Variants in GAS7 observed in about 807,000 individuals in gnomAD.
The protein encoded by GAS7 is growth arrest-specific protein 7.
GAS7 carries 28 observed loss-of-function variants against 71.1 expected under a neutral mutation model. The ratio of observed to expected loss-of-function variants is 0.39; its 90% CI spans 0.29 to 0.54. The LOEUF (loss-of-function observed/expected upper bound fraction) is 0.54, where lower values mean the gene tolerates loss of function less well. GAS7 is among the 20% of genes least tolerant of loss of function. GAS7 has a pLI of 0.62. For missense variants in GAS7, 436 were observed against 627.8 expected, an observed-to-expected ratio of 0.69 and a Z score of 3.27; for synonymous variants, 258 against 245.8, an observed-to-expected ratio of 1.05 and a Z score of -0.46.
rs773255798 is a variant in GAS7, at chr17:9,916,932, G to A, written c.*296C>T. On this transcript the variant is annotated 3_prime_UTR_variant, in exon 14 of 14. Coordinates refer to ENST00000432992, the MANE Select transcript of GAS7 (RefSeq NM_201433.2). ...TGTGACAGTGACCCCTACAAAACTC[G>A]GCAAGGACCACAAAGTTCCAGCCTC... The A allele has an allele frequency of 1.4e-5, 7 of 507,980 alleles. No individual in the cohort carries two copies. The highest frequency in any genetic ancestry group is 8.7e-5 in the East Asian group (3 of 34,608). 31.5% of individuals were successfully genotyped at this position (507,980 alleles called of 1,614,324 possible).
At position 10,026,784 on chromosome 17, in the gene GAS7, C is replaced by T. The variant is rs1410095936; in HGVS notation, c.184-6887G>A. ...CTACACAGAGCTGGGAACAGCTACCCGAGAAGGATACTCTCCTCCAGCTCT... is the reference window on the plus strand; with the variant it reads ...CTACACAGAGCTGGGAACAGCTACCTGAGAAGGATACTCTCCTCCAGCTCT... On this transcript the variant is annotated intron_variant, in intron 1 of 13. Transcript: ENST00000432992. The surrounding 1 kb of genome is among the most constrained non-coding windows in gnomAD (Gnocchi z 4.5). 6.6e-6 allele frequency among the ~76,000 whole-genome samples: 1 copy of T among 152,178 alleles called. No homozygotes were observed. The highest frequency in any genetic ancestry group is 1.5e-5 in the Non-Finnish European group (1 of 68,024).
intron 1 of GAS7, among the ~76,000 whole-genome samples, chr17:10,104,031 A>G (rs929625903): frequency 2.0e-5 from 3 of 152,142 alleles, no homozygotes; most frequent in Non-Finnish European, 2.9e-5. Flanking sequence ...TAAATTTAAA[A>G]AATTAAAGAT....
intron 1 of GAS7, among the ~76,000 whole-genome samples, chr17:10,025,392 G>A (rs1361314034): frequency 2.0e-5 from 3 of 151,816 alleles, no homozygotes; most frequent in Non-Finnish European, 4.4e-5. Context: ...CCTTCCCAAG[G>A]AGGATGACAA....
At chr17:9,991,577 GC>G (rs1316142476) in intron 2 of GAS7, among the ~76,000 whole-genome samples, 1 of 152,154 alleles carries the variant, frequency 6.6e-6, no homozygotes, top group Non-Finnish European at 1.5e-5. Context: ...TCCAGGAATA[GC>G]CAAGGAATTC....
intron 1 of GAS7, among the ~76,000 whole-genome samples, chr17:10,169,309 A>T (rs930650461): frequency 2.0e-5 from 3 of 152,140 alleles, no homozygotes; most frequent in East Asian, 3.9e-4. Context: ...TCACATTTAC[A>T]CTCAGCACAA....
chr17:10,015,653 C>T (rs896292749), intron 2 of GAS7, among the ~76,000 whole-genome samples: 4 of 152,170 alleles, frequency 2.6e-5, no homozygotes, highest in African/African-American at 4.8e-5. Flanking sequence ...GTCTAAGAAA[C>T]GATTCCAGAG....
intron 1 of GAS7, among the ~76,000 whole-genome samples, chr17:10,123,722 C>T (rs979918262): frequency 1.3e-5 from 2 of 152,216 alleles, no homozygotes; most frequent in Admixed American, 6.5e-5. Flanking sequence ...CCATTCTGCC[C>T]GTCCAGGAAT....
In GAS7 at chr17:9,926,781, G is replaced by T. The variant is rs1179237152; in HGVS notation, c.886-12C>A. 3 of 1,613,936 alleles carry T rather than the reference G, an allele frequency of 1.9e-6. No individual in the cohort carries two copies. ...ACCTCGCTGTGAAGCTGTTGGGAGAGTAGAGACGCACACTCAGGACCCAGG... is the reference window on the plus strand; with the variant it reads ...ACCTCGCTGTGAAGCTGTTGGGAGATTAGAGACGCACACTCAGGACCCAGG... On this transcript the variant is annotated splice_polypyrimidine_tract_variant and intron_variant, in intron 9 of 13. Coordinates refer to ENST00000432992, the MANE Select transcript of GAS7 (RefSeq NM_201433.2). The surrounding 1 kb of genome is among the most constrained non-coding windows in gnomAD (Gnocchi z 5.0).
chr17:10,090,996 T>G (rs940702195), intron 1 of GAS7, among the ~76,000 whole-genome samples: 3 of 152,136 alleles, frequency 2.0e-5, no homozygotes, highest in Non-Finnish European at 2.9e-5. Flanking sequence ...GAGGCAATGA[T>G]GGAACCCATC....
intron 1 of GAS7, among the ~76,000 whole-genome samples, chr17:10,182,222 C>T (rs541985903): frequency 1.5e-4 from 23 of 152,234 alleles, no homozygotes; most frequent in East Asian, 3.9e-4. Flanking sequence ...TGCAATGGCA[C>T]GATCTCGACT....
At chr17:10,059,678 T>C (rs1442377360) in intron 1 of GAS7, 1 of 985,022 alleles carries the variant, frequency 1.0e-6, no homozygotes, top group Non-Finnish European at 1.2e-6. Flanking sequence ...AGCAGAGCCC[T>C]GGTTCCAACT....
chr17:10,192,416 G>A (rs1470467861), intron 1 of GAS7, among the ~76,000 whole-genome samples: 1 of 152,100 alleles, frequency 6.6e-6, no homozygotes, highest in Non-Finnish European at 1.5e-5. Flanking sequence ...AAGGTTTCCT[G>A]GTTTACCAAA....
intron 1 of GAS7, among the ~76,000 whole-genome samples, chr17:10,115,977 C>A (rs1380567464): frequency 6.6e-6 from 1 of 152,196 alleles, no homozygotes; most frequent in Non-Finnish European, 1.5e-5. Context: ...TTGCTCAGCA[C>A]CTTGGTGGGA....
rs1004075559 is a variant in GAS7 at position 10,103,541 on chromosome 17, C to T, written c.184-83644G>A. The stretch of plus-strand genomic sequence containing the variant: ...ACTTCACTTAGAAAGATAGGAACAA[C>T]CCGGCCAGGCGCGATGGCTCCCACC... On this transcript the variant is annotated intron_variant, in intron 1 of 13. Transcript: ENST00000432992. The surrounding 1 kb of genome is among the most constrained non-coding windows in gnomAD (Gnocchi z 5.5). Among the ~76,000 whole-genome samples, 2 of 151,918 alleles carry T rather than the reference C, an allele frequency of 1.3e-5. No individual in the cohort carries two copies. Among genetic ancestry groups the T allele is most frequent in the Non-Finnish European group, 2.9e-5 (2 of 67,964 alleles).
intron 5 of GAS7, among the ~76,000 whole-genome samples, chr17:9,949,564 G>A (rs922669549): frequency 6.6e-6 from 1 of 152,048 alleles, no homozygotes; most frequent in African/African-American, 2.4e-5. Context: ...GCAGTCTGGG[G>A]AGAAGTCCCC....
At chr17:9,986,152 C>T (rs973015307) in intron 2 of GAS7, among the ~76,000 whole-genome samples, 6 of 152,178 alleles carry the variant, frequency 3.9e-5, no homozygotes, top group Non-Finnish European at 5.9e-5. Context: ...AACAGAAAGA[C>T]GGACATTGTG....
At chr17:10,061,437 C>G (rs2073218673) in intron 1 of GAS7, 1 of 152,250 alleles carries the variant, frequency 6.6e-6, no homozygotes, top group African/African-American at 2.4e-5. Flanking sequence ...CTCTCCTGGC[C>G]TCTCCTCCCC....
chr17:9,990,672 G>A lies in GAS7; in HGVS notation c.305-8788C>T, dbSNP rs570534887. ...AGAAGCATGTCCTTCATCATAGAGA[G>A]CAGCAAGGAGGATAGTGTGGCTGAA... On this transcript the variant is annotated intron_variant, in intron 2 of 13. Transcript: ENST00000432992. Among the ~76,000 whole-genome samples the A allele has an allele frequency of 1.9e-3, 285 of 152,326 alleles. 1 individual carries two copies. Among genetic ancestry groups the A allele is most frequent in the African/African-American group, 6.2e-3 (259 of 41,578 alleles).
chr17:10,084,937 T>C (rs1039301484), intron 1 of GAS7, among the ~76,000 whole-genome samples: 4 of 152,122 alleles, frequency 2.6e-5, no homozygotes, highest in South Asian at 2.1e-4. Flanking sequence ...GATGGCCCCC[T>C]CAGGACACTT....
Sources: allele counts gnomAD v4.1 joint callset (sites outside exome capture counted in the v4.1 genomes callset), GRCh38; gene constraint gnomAD v4.1.1; non-coding constraint Gnocchi (gnomAD v3.1); transcripts MANE v1.5; gene names NCBI Gene and HGNC (gene_info 2026-07-23, HGNC 2026-07-21).